Variants in FRAS1 observed in about 807,000 individuals in gnomAD.
FRAS1 encodes the protein Fraser extracellular matrix complex subunit 1, also known as extracellular matrix organizing protein FRAS1.
FRAS1 carries 290 observed loss-of-function variants against 435.2 expected under a neutral mutation model. The observed-to-expected ratio is 0.67, with a 90% CI of 0.61 to 0.73. The LOEUF (loss-of-function observed/expected upper bound fraction) is 0.73. Among genes scored for constraint, FRAS1 ranks in the 30% least tolerant of loss-of-function variants. The pLI is 0.00. For missense variants in FRAS1, 4,860 were observed against 5,001.5 expected (o/e 0.97, Z 0.85); for synonymous variants, 1,800 against 1,851.0 (o/e 0.97, Z 0.71).
intron 60 of FRAS1, among the ~76,000 whole-genome samples, chr4:78,498,991 G>T (rs1720595500): frequency 6.6e-6 from 1 of 152,064 alleles, no homozygotes; most frequent in Non-Finnish European, 1.5e-5. Context: ...GCGACCACAG[G>T]CACGTGCCAG....
At chr4:78,116,837 G>T (rs920918471) in intron 2 of FRAS1, among the ~76,000 whole-genome samples, 5 of 152,234 alleles carry the variant, frequency 3.3e-5, no homozygotes, top group East Asian at 3.9e-4. Context: ...TACATTTAAG[G>T]TTAATTTTGT....
At chr4:78,211,634 T>C (rs1309963530) in intron 2 of FRAS1, among the ~76,000 whole-genome samples, 1 of 152,184 alleles carries the variant, frequency 6.6e-6, no homozygotes, top group Non-Finnish European at 1.5e-5. Context: ...ATCAAATTTT[T>C]CCTTGGACTT....
chr4:78,524,178 G>C (rs2109896730), intron 69 of FRAS1, among the ~76,000 whole-genome samples: 1 of 152,288 alleles, frequency 6.6e-6, no homozygotes, highest in African/African-American at 2.4e-5. Context: ...ACTAGATTGT[G>C]AGCTTCTCCA....
At chr4:78,192,482 C>T (rs1578176946) in intron 2 of FRAS1, among the ~76,000 whole-genome samples, 1 of 152,174 alleles carries the variant, frequency 6.6e-6, no homozygotes, top group Non-Finnish European at 1.5e-5. Context: ...GATTCAACTT[C>T]TTCCTGGTTT....
chr4:78,325,340 G>A (rs1183546314), intron 18 of FRAS1, among the ~76,000 whole-genome samples: 2 of 152,182 alleles, frequency 1.3e-5, no homozygotes, highest in Non-Finnish European at 2.9e-5. Context: ...CATGCTCTGT[G>A]TATTTTGATC....
intron 28 of FRAS1, among the ~76,000 whole-genome samples, chr4:78,385,825 C>CA (rs1732198039): frequency 6.7e-6 from 1 of 150,048 alleles, no homozygotes; most frequent in African/African-American, 2.5e-5. Context: ...GCAGAGGTTG[C>CA]AGTGAGCTGA....
intron 6 of FRAS1, among the ~76,000 whole-genome samples, chr4:78,258,070 G>A (rs1194519218): frequency 6.6e-6 from 1 of 152,124 alleles, no homozygotes; most frequent in Non-Finnish European, 1.5e-5. Flanking sequence ...GCCAGGCATG[G>A]TGGTTCATGC....
intron 47 of FRAS1, among the ~76,000 whole-genome samples, chr4:78,454,033 T>C (rs1719106833): frequency 6.6e-6 from 1 of 151,894 alleles, no homozygotes; most frequent in Non-Finnish European, 1.5e-5. Flanking sequence ...CTGTGTCAGA[T>C]GGTGATGAGT....
intron 2 of FRAS1, among the ~76,000 whole-genome samples, chr4:78,139,289 CTG>C (rs373148523): frequency 6.6e-6 from 1 of 151,900 alleles, no homozygotes; most frequent in Non-Finnish European, 1.5e-5. Flanking sequence ...AATAAAGAAA[CTG>C]GGGCATAGCC....
chr4:78,188,123 C>T (rs1473495198), intron 2 of FRAS1, among the ~76,000 whole-genome samples: 2 of 152,112 alleles, frequency 1.3e-5, no homozygotes, highest in Non-Finnish European at 2.9e-5. Flanking sequence ...CCTTCCTTTG[C>T]CTTTTCCCCT....
intron 15 of FRAS1, among the ~76,000 whole-genome samples, chr4:78,314,790 T>C (rs1370263699): frequency 6.6e-6 from 1 of 152,230 alleles, no homozygotes. Flanking sequence ...ATGGTCCTAC[T>C]GCTTCCTAAG....
rs756098430 is a variant in FRAS1, at chr4:78,337,794, T to G, written c.2399T>G (p.Leu800Arg). The change falls in exon 20 of 74, where the codon CTC becomes CGC. Residue 800 changes from leucine (L) to arginine (R), a missense_variant. Leu to Arg is a moderately radical substitution (Grantham distance 102). Transcript: ENST00000512123. ...ACCAGCTGCAGGGAAGAGCAGTTCC[T>G]CAACCTCGTGGGATACTGTGCTGGT... is the stretch of plus-strand genomic sequence containing the variant. ...CRTSCREEQF[L>R]NLVGYCADCH... 1.2e-6 allele frequency: 2 copies of G among 1,613,928 alleles called. No individual in the cohort carries two copies. The highest frequency in any genetic ancestry group is 1.7e-6 in the Non-Finnish European group (2 of 1,179,850).
chr4:78,399,575 CT>C (rs1340653470), intron 29 of FRAS1, among the ~76,000 whole-genome samples: 2 of 152,248 alleles, frequency 1.3e-5, no homozygotes, highest in African/African-American at 4.8e-5. Flanking sequence ...ATGATATTAG[CT>C]TTAGTAATTA....
chr4:78,511,950 T>C (rs1057325931), intron 64 of FRAS1, among the ~76,000 whole-genome samples: 4 of 152,216 alleles, frequency 2.6e-5, no homozygotes, highest in Non-Finnish European at 5.9e-5. Flanking sequence ...CTGTATATGC[T>C]TCTTTTAGAA....
chr4:78,168,379 G>GT (rs545700240), intron 2 of FRAS1, among the ~76,000 whole-genome samples: 31 of 151,072 alleles, frequency 2.1e-4, no homozygotes, highest in South Asian at 8.4e-4. Context: ...GACAAAAGAT[G>GT]TTTTTTTTTG....
At position 78,409,161 on chromosome 4, in the gene FRAS1, T is replaced by G. The variant is rs1213185628; in HGVS notation, c.4308+1320T>G. On this transcript the variant is annotated intron_variant, in intron 31 of 73. Coordinates refer to ENST00000512123, the MANE Select transcript of FRAS1 (RefSeq NM_025074.7). ...GACAAAAAGAAAACAAAAGAAAAAT[T>G]ATACTGCATATGTTCTCTGGCTATT... Among the ~76,000 whole-genome samples the G allele has an allele frequency of 2.0e-5, 3 of 148,708 alleles. No individual in the cohort carries two copies. The East Asian group carries it at 5.9e-4, about 29-fold the overall frequency.
At chr4:78,378,572 A>G (rs1453833723) in intron 26 of FRAS1, among the ~76,000 whole-genome samples, 3 of 152,154 alleles carry the variant, frequency 2.0e-5, no homozygotes, top group Admixed American at 6.5e-5. Flanking sequence ...TCCACGACCT[A>G]ACAATTTTCA....
At chr4:78,444,115 A>G (rs1424211108) in intron 41 of FRAS1, 1 of 449,086 alleles carries the variant, frequency 2.2e-6, no homozygotes, top group African/African-American at 2.0e-5. Flanking sequence ...TTGGCCTCCC[A>G]AAGTGTTGGG....
intron 2 of FRAS1, chr4:78,180,906 G>A (rs1439982640): frequency 1.2e-6 from 2 of 1,604,746 alleles, no homozygotes; most frequent in Admixed American, 1.7e-5. Context: ...ATCCACATCA[G>A]GAGCAGAAGT....
Sources: gnomAD v4.1 joint callset for allele counts (sites outside exome capture counted in the v4.1 genomes callset) on GRCh38, gnomAD v4.1.1 for gene constraint, MANE v1.5 for transcripts, NCBI Gene and HGNC (gene_info 2026-07-23, HGNC 2026-07-21) for gene names.